Variants in C8A observed in about 807,000 individuals in gnomAD.
The protein encoded by C8A is complement component C8 alpha chain.
Under a neutral mutation model 65.3 loss-of-function variants are expected in C8A, and 67 were observed. That is an observed-to-expected ratio of 1.03 (90% CI 0.84 to 1.26). The LOEUF is 1.26. C8A is among the 50% of genes most tolerant of loss of function. The pLI is 0.00. For missense variants in C8A, 781 were observed against 723.9 expected, an observed-to-expected ratio of 1.08 and a Z score of -0.90; for synonymous variants, 290 against 259.4, an observed-to-expected ratio of 1.12 and a Z score of -1.13.
At chr1:56,914,041 A>G (rs547491940) in intron 10 of C8A, among the ~76,000 whole-genome samples, 2 of 152,312 alleles carry the variant, frequency 1.3e-5, no homozygotes, top group East Asian at 1.9e-4. Context: ...TGACAAAGCA[A>G]AGCAGGCAAT....
chr1:56,895,130 T>C (rs1040540908), intron 7 of C8A, among the ~76,000 whole-genome samples: 11 of 152,164 alleles, frequency 7.2e-5, no homozygotes, highest in Non-Finnish European at 1.3e-4. Context: ...GTATTGAACC[T>C]AGGTCTTCTG....
At chr1:56,892,736 T>G (rs535198855) in intron 7 of C8A, among the ~76,000 whole-genome samples, 1 of 152,288 alleles carries the variant, frequency 6.6e-6, no homozygotes, top group African/African-American at 2.4e-5. Context: ...GGTGGTCTGC[T>G]CCAGACCCCT....
intron 2 of C8A, among the ~76,000 whole-genome samples, chr1:56,874,660 G>A (rs61766970): frequency 1.3e-5 from 2 of 152,160 alleles, no homozygotes; most frequent in Admixed American, 1.3e-4. Context: ...ACTTCTTCAA[G>A]AAGAGGGAAC....
At chr1:56,912,057 G>T (rs1644512022) in intron 9 of C8A, among the ~76,000 whole-genome samples, 1 of 152,202 alleles carries the variant, frequency 6.6e-6, no homozygotes, top group Non-Finnish European at 1.5e-5. Context: ...GGAAAGGCCT[G>T]TCATATGGTA....
Position 56,867,679 on chromosome 1 carries a change from T to G in C8A, c.148T>G (p.Cys50Gly). The change falls in exon 2 of 11, where the codon TGC becomes GGC. Residue 50 changes from cysteine to glycine, a missense_variant. Physicochemically the swap from Cys to Gly is radical, Grantham distance 159 (BLOSUM62 -3). Coordinates refer to ENST00000361249, the MANE Select transcript of C8A (RefSeq NM_000562.3). ...QLSNWSEWTD[C>G]FPCQDKKYRH... ...GAGCAACTGGTCAGAGTGGACAGAT[T>G]GCTTTCCGTGCCAGGACAAAAAGGT... The G allele has an allele frequency of 6.2e-7, 1 of 1,613,840 alleles. No individual in the cohort carries two copies. The highest frequency in any genetic ancestry group is 8.5e-7 in the Non-Finnish European group (1 of 1,179,844).
In C8A at chr1:56,917,652, A is replaced by G. The variant is rs767958007; in HGVS notation, c.1691A>G (p.Asn564Ser). The change falls in exon 11 of 11, where the codon AAT (asparagine) becomes AGT (serine). Residue 564 changes from asparagine (N) to serine (S), a missense_variant. Coordinates refer to ENST00000361249, the MANE Select transcript of C8A (RefSeq NM_000562.3). ...GIQERRRECD[N>S]PAPQNGGASC... ...CAGGAAAGGAGAAGAGAGTGTGACA[A>G]TCCAGCACCTCAGAATGGAGGGGCC... 3.1e-6 allele frequency: 5 copies of G among 1,614,088 alleles called. No homozygotes were observed. In the East Asian group the frequency reaches 8.9e-5, roughly 29 times the overall value.
At chr1:56,888,632 T>A (rs1487688316) in intron 7 of C8A, among the ~76,000 whole-genome samples, 2 of 152,170 alleles carry the variant, frequency 1.3e-5, no homozygotes, top group African/African-American at 4.8e-5. Context: ...TTGTATCGTG[T>A]CATGATGCAA....
chr1:56,888,427 C>T (rs1644318286), intron 7 of C8A, among the ~76,000 whole-genome samples: 1 of 152,016 alleles, frequency 6.6e-6, no homozygotes, highest in Non-Finnish European at 1.5e-5. Flanking sequence ...TGGTTCCTAC[C>T]CTCTTGCATT....
intron 10 of C8A, among the ~76,000 whole-genome samples, chr1:56,917,125 T>C (rs557203581): frequency 6.6e-6 from 1 of 152,310 alleles, no homozygotes; most frequent in African/African-American, 2.4e-5. Flanking sequence ...TCCAATTTAA[T>C]GAGATGGGCT....
intron 4 of C8A, among the ~76,000 whole-genome samples, chr1:56,877,443 C>T (rs548493627): frequency 2.6e-5 from 4 of 152,136 alleles, no homozygotes; most frequent in Admixed American, 1.3e-4. Flanking sequence ...GGATGTCTGT[C>T]GAGGTGTCTA....
At chr1:56,866,513 C>T (rs561875286) in intron 1 of C8A, among the ~76,000 whole-genome samples, 2 of 152,258 alleles carry the variant, frequency 1.3e-5, no homozygotes, top group East Asian at 1.9e-4. Context: ...CTCCTTGTGC[C>T]GAGTTTCAAC....
intron 4 of C8A, among the ~76,000 whole-genome samples, chr1:56,880,174 T>C (rs1282007270): frequency 6.6e-6 from 1 of 152,178 alleles, no homozygotes; most frequent in East Asian, 1.9e-4. Flanking sequence ...GTTTTTGTTC[T>C]GTTAACTTTC....
In C8A at chr1:56,899,447, T is replaced by G. The variant is rs182833780; in HGVS notation, c.1097-7220T>G. On this transcript the variant is annotated intron_variant, in intron 7 of 10. Coordinates refer to ENST00000361249, the MANE Select transcript of C8A (RefSeq NM_000562.3). Reference sequence around the variant, plus strand: ...CAAGCTATCTAAGTTAAGTTTAAACTATTTCAACCTACTCCTTTCTAAAAT... The same window carrying G: ...CAAGCTATCTAAGTTAAGTTTAAACGATTTCAACCTACTCCTTTCTAAAAT... 3.0e-4 allele frequency among the ~76,000 whole-genome samples: 45 copies of G among 152,288 alleles called. 1 individual carries two copies. The East Asian group carries it at 8.5e-3, about 29-fold the overall frequency.
At chr1:56,863,253 T>C (rs635922) in intron 1 of C8A, among the ~76,000 whole-genome samples, 79,472 of 152,104 alleles carry the variant, frequency 0.52, 22,064 homozygotes, top group East Asian at 0.9. Context: ...AAAAATGAAC[T>C]ACATTGAAAA....
intron 9 of C8A, among the ~76,000 whole-genome samples, chr1:56,911,153 C>G (rs1459241331): frequency 6.6e-6 from 1 of 150,428 alleles, no homozygotes; most frequent in East Asian, 2.0e-4. Context: ...AGTAGTATCT[C>G]ACATTCAGTA....
chr1:56,879,399 C>T (rs932219521), intron 4 of C8A, among the ~76,000 whole-genome samples: 7 of 152,172 alleles, frequency 4.6e-5, no homozygotes, highest in Non-Finnish European at 1.0e-4. Flanking sequence ...TTAACTGGGG[C>T]TTTCACAACC....
chr1:56,861,278 C>A (rs1644030966), intron 1 of C8A, among the ~76,000 whole-genome samples: 1 of 152,066 alleles, frequency 6.6e-6, no homozygotes, highest in South Asian at 2.1e-4. Context: ...ACTTTAAGTT[C>A]TATAAAGAAA....
intron 2 of C8A, among the ~76,000 whole-genome samples, chr1:56,869,803 C>T (rs12401558): frequency 0.14 from 20,566 of 152,062 alleles, 1,857 homozygotes; most frequent in East Asian, 0.35. Context: ...ATTCTCAGTC[C>T]GATTGCCTTG....
rs140833741 is a variant in C8A at position 56,862,059 on chromosome 1, C to A, written c.78-5550C>A. On this transcript the variant is annotated intron_variant, in intron 1 of 10. Coordinates refer to ENST00000361249, the MANE Select transcript of C8A (RefSeq NM_000562.3). ...TGGGAAGCATCTCACTTGTCCACAG[C>A]CCTATCCGAGTACATTCAATATATT... Among the ~76,000 whole-genome samples the A allele has an allele frequency of 3.6e-3, 549 of 152,286 alleles. 5 individuals are homozygous for A. The highest frequency in any genetic ancestry group is 0.013 in the African/African-American group (531 of 41,546).
Sources: gnomAD v4.1 joint callset for allele counts (sites outside exome capture counted in the v4.1 genomes callset) on GRCh38, gnomAD v4.1.1 for gene constraint, MANE v1.5 for transcripts, NCBI Gene and HGNC (gene_info 2026-07-23, HGNC 2026-07-21) for gene names.